Variants in PSME4 observed in about 807,000 individuals in gnomAD.
The protein encoded by PSME4 is proteasome activator subunit 4, also known as proteasome activator complex subunit 4.
A neutral mutation model predicts 253.9 loss-of-function variants in PSME4; 89 were observed. That is an observed-to-expected ratio of 0.35 (90% CI 0.30 to 0.42). The LOEUF (loss-of-function observed/expected upper bound fraction) is 0.42. PSME4 is among the 10% of genes least tolerant of loss of function. The pLI is 1.00. For missense variants in PSME4, 2,014 were observed against 2,195.2 expected, an observed-to-expected ratio of 0.92 and a Z score of 1.65; for synonymous variants, 851 against 759.2, an observed-to-expected ratio of 1.12 and a Z score of -1.99.
In PSME4 at chr2:53,887,309, C is replaced by A. The variant is rs370442448; in HGVS notation, c.4679G>T (p.Gly1560Val). ...AGTTCGCTCATCTTCTTCACCAATTCCATTTTCTTCCATAACATGGTTCTG... is the reference window on the plus strand; with the variant it reads ...AGTTCGCTCATCTTCTTCACCAATTACATTTTCTTCCATAACATGGTTCTG... ...EIQNHVMEEN[G>V]IGEEDERTQG... The change falls in exon 40 of 47, where the codon GGA becomes GTA. Residue 1560 changes from glycine (G) to valine (V), a missense_variant. This residue lies in a region of PSME4 where 403 missense variants were observed against 556.1 expected (regional missense o/e 0.72). Coordinates refer to ENST00000404125, the MANE Select transcript of PSME4 (RefSeq NM_014614.3). The A allele has an allele frequency of 5.0e-6, 8 of 1,614,026 alleles. No homozygotes were observed. In the East Asian group the frequency reaches 1.3e-4, roughly 27 times the overall value.
At chr2:53,963,517 T>C (rs960807600) in intron 1 of PSME4, among the ~76,000 whole-genome samples, 19 of 152,342 alleles carry the variant, frequency 1.2e-4, no homozygotes, top group African/African-American at 4.1e-4. Flanking sequence ...CACTAACCTA[T>C]GAGCCTCTTG....
chr2:53,952,213 A>G (rs951985369), intron 1 of PSME4, among the ~76,000 whole-genome samples: 1 of 152,152 alleles, frequency 6.6e-6, no homozygotes, highest in Non-Finnish European at 1.5e-5. Context: ...AGGTGGGCAG[A>G]TCACGTGAGA....
At chr2:53,954,593 C>T (rs1670149837) in intron 1 of PSME4, among the ~76,000 whole-genome samples, 1 of 152,098 alleles carries the variant, frequency 6.6e-6, no homozygotes, top group South Asian at 2.1e-4. Flanking sequence ...AGTCCCAGCA[C>T]TTTGGGAGGC....
intron 14 of PSME4, among the ~76,000 whole-genome samples, chr2:53,923,913 C>CAAAAAAAAAAAAAAAAAAA (rs199929436): frequency 3.1e-5 from 3 of 96,872 alleles, no homozygotes; most frequent in Non-Finnish European, 6.1e-5. Context: ...ACAGAGTTAA[C>CAAAAAAAAAAAAAAAAAAA]AAAAAAAAAA....
At chr2:53,965,697 G>T (rs549017203) in intron 1 of PSME4, among the ~76,000 whole-genome samples, 1 of 142,820 alleles carries the variant, frequency 7.0e-6, no homozygotes, top group East Asian at 2.1e-4. Flanking sequence ...TCAGAGTCTC[G>T]CTCTGTCGCC....
Position 53,963,832 on chromosome 2 carries a change from C to T in PSME4, c.242+6711G>A, listed in dbSNP as rs544966087. Among the ~76,000 whole-genome samples the T allele has an allele frequency of 1.6e-3, 249 of 151,948 alleles. 3 individuals are homozygous for T. The highest frequency in any genetic ancestry group is 6.8e-3 in the Middle Eastern group (2 of 294). On this transcript the variant is annotated intron_variant, in intron 1 of 46. Coordinates refer to ENST00000404125, the MANE Select transcript of PSME4 (RefSeq NM_014614.3). ...AGGTTTTATAATAGTATTGGTATTG[C>T]TTTTTTTAAAAAATTCCTTTTCCTT...
intron 10 of PSME4, among the ~76,000 whole-genome samples, chr2:53,929,653 A>T (rs1294396821): frequency 6.6e-6 from 1 of 151,542 alleles, no homozygotes; most frequent in Non-Finnish European, 1.5e-5. Flanking sequence ...GCTTTCTTGG[A>T]GATGTAAAAC....
chr2:53,872,585 C>CA (rs141209754), intron 43 of PSME4, among the ~76,000 whole-genome samples: 7,679 of 150,992 alleles, frequency 0.051, 409 homozygotes, highest in East Asian at 0.29. Flanking sequence ...TACAAAATCA[C>CA]AAAAAAAGTA....
At chr2:53,944,983 T>C (rs932982498) in intron 3 of PSME4, among the ~76,000 whole-genome samples, 1 of 152,186 alleles carries the variant, frequency 6.6e-6, no homozygotes, top group African/African-American at 2.4e-5. Flanking sequence ...TAGATACTTT[T>C]AAAAATAAAT....
At chr2:53,928,048 CT>C (rs201926687) in intron 11 of PSME4, 68 bp downstream of exon 11, 1 of 1,276,374 alleles carries the variant, frequency 7.8e-7, no homozygotes, top group Non-Finnish European at 1.1e-6. Flanking sequence ...CTTCTCCAAC[CT>C]TTTGTCACTG....
intron 1 of PSME4, among the ~76,000 whole-genome samples, 172 bp downstream of exon 1, chr2:53,970,371 G>A (rs558152951): frequency 6.6e-6 from 1 of 152,318 alleles, no homozygotes; most frequent in East Asian, 1.9e-4. Flanking sequence ...GTGGCAGGGA[G>A]GACGGCTTGA....
intron 35 of PSME4, among the ~76,000 whole-genome samples, chr2:53,893,454 C>T (rs805411): frequency 0.28 from 43,203 of 151,998 alleles, 6,542 homozygotes; most frequent in South Asian, 0.47. Context: ...TAATACAATG[C>T]TTACTAATTG....
rs1480567444 is a variant in PSME4 at position 53,888,797 on chromosome 2, G to A, written c.4312C>T (p.Arg1438Trp). The A allele has an allele frequency of 1.9e-6, 3 of 1,611,034 alleles. No homozygotes were observed. The highest frequency in any genetic ancestry group is 2.5e-6 in the Non-Finnish European group (3 of 1,177,732). Residue 1438 changes from arginine (R) to tryptophan (W), a missense_variant, in exon 38 of 47, where the codon CGG becomes TGG. Around this residue, in one of 4 missense-constraint regions of PSME4, gnomAD observed 403 missense variants for 556.1 expected, o/e 0.72. Transcript: ENST00000404125. Reference protein sequence around the residue: ...IATSCESRDPRKLHWLFELLL... With the variant: ...IATSCESRDPWKLHWLFELLL... ...AGTTCAAAAAGCCAGTGAAGTTTCCGGGGATCTCTGCTTTCCTGTGTTTAA... is the reference window on the plus strand; with the variant it reads ...AGTTCAAAAAGCCAGTGAAGTTTCCAGGGATCTCTGCTTTCCTGTGTTTAA...
chr2:53,930,505 C>T (rs1192611014), intron 10 of PSME4, among the ~76,000 whole-genome samples: 2 of 152,162 alleles, frequency 1.3e-5, no homozygotes, highest in African/African-American at 4.8e-5. Flanking sequence ...TGCCTATCTT[C>T]CCCCACTCCA....
At chr2:53,946,555 A>C (rs1441213490) in intron 3 of PSME4, among the ~76,000 whole-genome samples, 1 of 152,232 alleles carries the variant, frequency 6.6e-6, no homozygotes, top group Admixed American at 6.5e-5. Flanking sequence ...AACACCCAAA[A>C]GGAATATTTA....
intron 42 of PSME4, among the ~76,000 whole-genome samples, chr2:53,875,403 G>A (rs1679072846): frequency 1.3e-5 from 2 of 152,168 alleles, no homozygotes; most frequent in African/African-American, 4.8e-5. Flanking sequence ...TTAGCTATCT[G>A]CATATTTTTG....
chr2:53,954,900 C>T (rs182859412), intron 1 of PSME4, among the ~76,000 whole-genome samples: 1 of 151,722 alleles, frequency 6.6e-6, no homozygotes, highest in Admixed American at 6.6e-5. Flanking sequence ...CCAAAATGAG[C>T]GAGACACTGT....
chr2:53,932,072 A>T lies in PSME4; in HGVS notation c.1079T>A (p.Leu360Ter), dbSNP rs949940655. 1 of 1,614,050 alleles carries T rather than the reference A, an allele frequency of 6.2e-7. No individual in the cohort carries two copies. The highest frequency in any genetic ancestry group is 8.5e-7 in the Non-Finnish European group (1 of 1,180,004). The stretch of plus-strand genomic sequence containing the variant: ...CAATCTTCTAACAACACTGTTTGGC[A>T]ACCGCTGAAGTAGTTTCATTAACTT... ...LNKLMKLLQR[L>*]PNSVVRRLHR... The change falls in exon 10 of 47, where the codon TTG becomes TAG. Residue 360 changes from leucine to a stop codon, truncating the protein, a stop_gained. Transcript: ENST00000404125. LOFTEE classifies it high-confidence loss of function.
chr2:53,888,860 T>C, intron 37 of PSME4, 48 bp from the exon 38 acceptor site: 1 of 1,368,638 alleles, frequency 7.3e-7, no homozygotes, highest in Non-Finnish European at 1.0e-6. Flanking sequence ...CCTACAATTC[T>C]GTAAACAAAT....
Sources: gnomAD v4.1 joint callset for allele counts (sites outside exome capture counted in the v4.1 genomes callset) on GRCh38, gnomAD v4.1.1 for gene constraint, gnomAD v4.1.1 regional missense constraint, MANE v1.5 for transcripts, NCBI Gene and HGNC (gene_info 2026-07-23, HGNC 2026-07-21) for gene names.